The following KIF13B variants were observed in gnomAD, a reference collection of about 807,000 sequenced individuals.
The protein encoded by KIF13B is kinesin-like protein KIF13B.
In KIF13B, 127 loss-of-function variants were observed where a neutral mutation model predicts 222.0. The observed-to-expected ratio is 0.57, with a 90% CI of 0.50 to 0.66. KIF13B has a LOEUF of 0.66. Ranked by LOEUF, KIF13B falls within the 30% of genes least tolerant of loss-of-function variation. The pLI, the probability that KIF13B is intolerant of heterozygous loss-of-function variation, is 0.00. For synonymous variants in KIF13B, 976 were observed against 919.0 expected, an observed-to-expected ratio of 1.06 and a Z score of -1.12; for missense variants, 2,173 against 2,379.0, an observed-to-expected ratio of 0.91 and a Z score of 1.80.
In KIF13B at chr8:29,160,809, A is replaced by G; in HGVS notation, c.1328T>C (p.Val443Ala). 1 of 1,613,402 alleles carries G rather than the reference A, an allele frequency of 6.2e-7. No individual in the cohort carries two copies. The highest frequency in any genetic ancestry group is 8.5e-7 in the Non-Finnish European group (1 of 1,179,466). ...GISLQSSGIK[V>A]GDDKCFLVNL... is the part of the protein sequence containing the mutation. Reference sequence around the variant, plus strand: ...CACAAGGAAGCATTTATCATCCCCAACTTTGATTCCCGAAGACTGAAGAGA... The same window carrying G: ...CACAAGGAAGCATTTATCATCCCCAGCTTTGATTCCCGAAGACTGAAGAGA... The change falls in exon 13 of 40, where the codon GTT becomes GCT. Residue 443 changes from valine to alanine, a missense_variant. Val to Ala is a moderately conservative substitution (Grantham distance 64). Around this residue, in one of 2 missense-constraint regions of KIF13B, gnomAD observed 1,480 missense variants for 1,722.8 expected, o/e 0.86. Coordinates refer to ENST00000524189, the MANE Select transcript of KIF13B (RefSeq NM_015254.4).
intron 1 of KIF13B, among the ~76,000 whole-genome samples, chr8:29,252,819 AC>A (rs1816334061): frequency 1.3e-5 from 2 of 152,060 alleles, no homozygotes; most frequent in Admixed American, 1.3e-4. Context: ...GTTACTTGGG[AC>A]CCCCTTTTTT....
chr8:29,157,806 G>C (rs1159344817), intron 13 of KIF13B, among the ~76,000 whole-genome samples: 1 of 150,824 alleles, frequency 6.6e-6, no homozygotes, highest in Non-Finnish European at 1.5e-5. Flanking sequence ...ACTCTCACCT[G>C]GGTGACAGAA....
At chr8:29,224,759 T>C (rs1814943134) in intron 2 of KIF13B, among the ~76,000 whole-genome samples, 2 of 151,596 alleles carry the variant, frequency 1.3e-5, no homozygotes, top group Non-Finnish European at 2.9e-5. Flanking sequence ...CACCCTGGAG[T>C]GTGTACGCGT....
intron 1 of KIF13B, among the ~76,000 whole-genome samples, chr8:29,259,782 T>C (rs1816615821): frequency 6.6e-6 from 1 of 152,242 alleles, no homozygotes; most frequent in Non-Finnish European, 1.5e-5. Context: ...TGTTTAGCTG[T>C]ACAGTCTGAA....
intron 2 of KIF13B, among the ~76,000 whole-genome samples, chr8:29,243,828 A>C (rs1164075848): frequency 6.6e-6 from 1 of 152,224 alleles, no homozygotes; most frequent in East Asian, 1.9e-4. Context: ...CTCTATGTTA[A>C]TAACAATAAA....
chr8:29,127,244 C>T lies in KIF13B; in HGVS notation c.3100G>A (p.Glu1034Lys), dbSNP rs548563840. 12 of 1,613,752 alleles carry T rather than the reference C, an allele frequency of 7.4e-6. No individual in the cohort carries two copies. The highest frequency in any genetic ancestry group is 4.0e-5 in the African/African-American group (3 of 74,920). Reference protein sequence around the residue: ...RQGQSRRVQVEVKSVQESGTL... With the variant: ...RQGQSRRVQVKVKSVQESGTL... ...CCAGATTCCTGCACTGACTTCACTT[C>T]GACTTGAACTCTCCGGGACTGCCCC... The change falls in exon 25 of 40, where the codon GAA (glutamate) becomes AAA (lysine). Residue 1034 changes from glutamate to lysine, a missense_variant. Glu to Lys is a moderately conservative substitution (Grantham distance 56). Around this residue, in one of 2 missense-constraint regions of KIF13B, gnomAD observed 1,480 missense variants for 1,722.8 expected, o/e 0.86. Transcript: ENST00000524189.
At chr8:29,213,792 T>C (rs1463894877) in intron 2 of KIF13B, among the ~76,000 whole-genome samples, 1 of 147,034 alleles carries the variant, frequency 6.8e-6, no homozygotes, top group Admixed American at 6.8e-5. Flanking sequence ...CTACTAAAAA[T>C]ACAAAAAAAA....
intron 13 of KIF13B, among the ~76,000 whole-genome samples, chr8:29,157,465 G>A (rs1811586684): frequency 6.6e-6 from 1 of 151,736 alleles, no homozygotes. Context: ...CACTTTGGGA[G>A]GCTGAGGTGG....
chr8:29,228,657 A>C (rs1260211700), intron 2 of KIF13B, among the ~76,000 whole-genome samples: 11 of 151,766 alleles, frequency 7.2e-5, no homozygotes, highest in Admixed American at 6.6e-4. Context: ...CTCAAGGGAA[A>C]CTTCTGGGGA....
At position 29,116,910 on chromosome 8, in the gene KIF13B, A is replaced by G. The variant is rs377066371; in HGVS notation, c.3758T>C (p.Val1253Ala). 2.5e-5 allele frequency: 40 copies of G among 1,613,612 alleles called. No individual in the cohort carries two copies. The highest frequency in any genetic ancestry group is 3.3e-5 in the Non-Finnish European group (39 of 1,179,726). Residue 1253 changes from valine (V) to alanine (A), a missense_variant, in exon 31 of 40, where the codon GTG becomes GCG. Physicochemically the swap from Val to Ala is moderately conservative, Grantham distance 64. Coordinates refer to ENST00000524189, the MANE Select transcript of KIF13B (RefSeq NM_015254.4). ...VDERLFLIVR[V>A]TVQLSHPADM... Reference sequence around the variant, plus strand: ...AGCAGGGTGGCTGAGCTGGACCGTCACGCGCACGATCAGGAACAACCGCTC... The same window carrying G: ...AGCAGGGTGGCTGAGCTGGACCGTCGCGCGCACGATCAGGAACAACCGCTC...
chr8:29,180,556 G>A (rs998993083), intron 7 of KIF13B, among the ~76,000 whole-genome samples: 4 of 152,064 alleles, frequency 2.6e-5, no homozygotes, highest in African/African-American at 4.8e-5. Context: ...TTGAAAAAAC[G>A]TAGTTTCTTT....
chr8:29,132,078 C>T (rs993140172), intron 23 of KIF13B, among the ~76,000 whole-genome samples: 1 of 152,074 alleles, frequency 6.6e-6, no homozygotes, highest in African/African-American at 2.4e-5. Flanking sequence ...GAAACCTTGT[C>T]TTTACCAAAA....
chr8:29,125,120 G>A (rs940574208), intron 26 of KIF13B, among the ~76,000 whole-genome samples: 1 of 152,152 alleles, frequency 6.6e-6, no homozygotes, highest in Non-Finnish European at 1.5e-5. Context: ...ATCAACTTTT[G>A]TAACTTCTGC....
In KIF13B at chr8:29,242,573, G is replaced by A. The variant is rs149446800; in HGVS notation, c.149+2773C>T. Among the ~76,000 whole-genome samples the A allele has an allele frequency of 3.9e-5, 6 of 152,312 alleles. No individual in the cohort carries two copies. The East Asian group carries it at 1.2e-3, about 29-fold the overall frequency. ...GATATTAATTGTTCTAGTAGTATAAGAAGTGCAGCTCTGCATGAGCAAATA... is the reference window on the plus strand; with the variant it reads ...GATATTAATTGTTCTAGTAGTATAAAAAGTGCAGCTCTGCATGAGCAAATA... On this transcript the variant is annotated intron_variant, in intron 2 of 39. Coordinates refer to ENST00000524189, the MANE Select transcript of KIF13B (RefSeq NM_015254.4).
chr8:29,151,870 T>C (rs978825906), intron 14 of KIF13B, among the ~76,000 whole-genome samples: 5 of 131,932 alleles, frequency 3.8e-5, no homozygotes, highest in Non-Finnish European at 9.1e-5. Flanking sequence ...AAAAATACAT[T>C]TCATAAGGCT....
At chr8:29,080,242 A>T (rs1479327850) in intron 37 of KIF13B, among the ~76,000 whole-genome samples, 1 of 139,904 alleles carries the variant, frequency 7.1e-6, no homozygotes, top group Non-Finnish European at 1.5e-5. Flanking sequence ...GGAGCTGAGA[A>T]TTGCTTGAGC....
Position 29,152,666 on chromosome 8 carries a change from T to C in KIF13B, c.1536-2283A>G, listed in dbSNP as rs559725352. Among the ~76,000 whole-genome samples the C allele has an allele frequency of 3.3e-5, 5 of 152,194 alleles. No homozygotes were observed. The East Asian group carries it at 9.7e-4, about 29-fold the overall frequency. On this transcript the variant is annotated intron_variant, in intron 14 of 39. Coordinates refer to ENST00000524189, the MANE Select transcript of KIF13B (RefSeq NM_015254.4). ...GCTCTCTGTCACCCAGGCTGGGGTG[T>C]AGTGGTGTAATCTCGGTTCACTGAA...
chr8:29,224,866 G>A (rs1814951104), intron 2 of KIF13B, among the ~76,000 whole-genome samples: 1 of 152,238 alleles, frequency 6.6e-6, no homozygotes, highest in South Asian at 2.1e-4. Flanking sequence ...TAATAGGGAT[G>A]ATGAGACTTC....
chr8:29,123,878 A>G (rs1038563347), intron 27 of KIF13B, 146 bp downstream of exon 27: 1 of 627,842 alleles, frequency 1.6e-6, no homozygotes, highest in Non-Finnish European at 2.8e-6. Flanking sequence ...AGGATATGAC[A>G]TAAACAAAGA....
Sources: gnomAD v4.1 joint callset for allele counts (sites outside exome capture counted in the v4.1 genomes callset) on GRCh38, gnomAD v4.1.1 for gene constraint, gnomAD v4.1.1 regional missense constraint, MANE v1.5 for transcripts, NCBI Gene and HGNC (gene_info 2026-07-23, HGNC 2026-07-21) for gene names.